The following RNF126 variants were observed in gnomAD, a reference collection of about 807,000 sequenced individuals.
The protein encoded by RNF126 is E3 ubiquitin-protein ligase RNF126.
In RNF126, 20 loss-of-function variants were observed where a neutral mutation model predicts 41.9. The observed-to-expected ratio is 0.48, with a 90% CI of 0.34 to 0.69. The LOEUF (loss-of-function observed/expected upper bound fraction) is 0.69. Among genes scored for constraint, RNF126 ranks in the 30% least tolerant of loss-of-function variants. The pLI is 0.01. For missense variants in RNF126, 433 were observed against 460.6 expected (o/e 0.94, Z 0.55); for synonymous variants, 239 against 202.9 (o/e 1.18, Z -1.51).
chr19:652,352 G>A (rs2144762291), intron 2 of RNF126, 56 bp from the exon 3 acceptor site: 1 of 1,420,616 alleles, frequency 7.0e-7, no homozygotes, highest in Non-Finnish European at 9.5e-7. Flanking sequence ...CATGCGCCAG[G>A]CGCTCCCTCC....
In RNF126 at chr19:659,990, C is replaced by G. The variant is rs148485155; in HGVS notation, c.75+3057G>C. 2.3e-3 allele frequency among the ~76,000 whole-genome samples: 344 copies of G among 152,310 alleles called. No individual in the cohort carries two copies. Among genetic ancestry groups the G allele is most frequent in the African/African-American group, 7.8e-3 (325 of 41,564 alleles). On this transcript the variant is annotated intron_variant, in intron 1 of 8. Transcript: ENST00000292363. This position sits in a 1 kb window ranked among gnomAD's most constrained non-coding sequence, Gnocchi z 4.9. ...ATGTTAGCCAGGCTGGTCTCGAACT[C>G]CTGACCTCAGGTGATCCGTCCACCT...
chr19:647,964 G>T lies in RNF126; in HGVS notation c.*164C>A, dbSNP rs1380231273. ...TGTGGCCCACGCCTTCCCAAGCCAG[G>T]GGGCCGGTGGGCCGGGCCCGGGTCC... is the stretch of plus-strand genomic sequence containing the variant. On this transcript the variant is annotated 3_prime_UTR_variant, in exon 9 of 9. Coordinates refer to ENST00000292363, the MANE Select transcript of RNF126 (RefSeq NM_194460.3). The T allele has an allele frequency of 1.2e-6, 1 of 866,520 alleles. No individual in the cohort carries two copies. The highest frequency in any genetic ancestry group is 1.7e-5 in the African/African-American group (1 of 58,534). 53.7% of individuals were successfully genotyped at this position (866,520 alleles called of 1,614,324 possible).
At chr19:651,910 G>C in intron 3 of RNF126, 55 bp from the exon 4 acceptor site, 1 of 1,497,950 alleles carries the variant, frequency 6.7e-7, no homozygotes, top group East Asian at 2.4e-5. Context: ...CAGTCTGCTG[G>C]GGGCGCTAGG....
chr19:654,867 T>C (rs1484954382), intron 1 of RNF126, among the ~76,000 whole-genome samples: 2 of 151,366 alleles, frequency 1.3e-5, no homozygotes, highest in African/African-American at 4.9e-5. Context: ...CTCAGGAGGC[T>C]GAGACAGGAG....
rs960112952 is a variant in RNF126, at chr19:653,040, G to A, written c.76-156C>T. Among the ~76,000 whole-genome samples, 16 of 152,162 alleles carry A rather than the reference G, an allele frequency of 1.1e-4. 1 individual carries two copies. The highest frequency in any genetic ancestry group is 3.9e-4 in the East Asian group (2 of 5,194). On this transcript the variant is annotated intron_variant, in intron 1 of 8. Coordinates refer to ENST00000292363, the MANE Select transcript of RNF126 (RefSeq NM_194460.3). ...TCCCAACCCGTGGGTCCTGGAGGGC[G>A]GCCGAGGGGACCTGGCCTCTGCCAG...
intron 1 of RNF126, among the ~76,000 whole-genome samples, chr19:653,673 T>G (rs1347346897): frequency 6.6e-6 from 1 of 152,096 alleles, no homozygotes; most frequent in African/African-American, 2.4e-5. Context: ...GGCTGAAACG[T>G]GCATGGTGCC....
intron 1 of RNF126, among the ~76,000 whole-genome samples, chr19:662,751 G>C (rs2030865023): frequency 6.6e-6 from 1 of 152,084 alleles, no homozygotes; most frequent in Admixed American, 6.5e-5. Context: ...GCGGCCTCTC[G>C]GGTCGGGAAC....
At chr19:648,552 C>T in intron 7 of RNF126, 65 bp from the exon 8 acceptor site, 2 of 1,316,064 alleles carry the variant, frequency 1.5e-6, no homozygotes, top group Admixed American at 2.0e-5. Flanking sequence ...CAAGGGCAGG[C>T]TACTCCACAG....
chr19:648,719 A>C (rs1206888688), intron 7 of RNF126, among the ~76,000 whole-genome samples, 163 bp downstream of exon 7: 1 of 152,212 alleles, frequency 6.6e-6, no homozygotes, highest in Non-Finnish European at 1.5e-5. Flanking sequence ...CTGTCATCCC[A>C]GCACTTTGGG....
chr19:650,154 C>G, intron 5 of RNF126, 80 bp downstream of exon 5: 2 of 1,209,794 alleles, frequency 1.7e-6, no homozygotes, highest in Non-Finnish European at 2.3e-6. Flanking sequence ...GGGACCCTGG[C>G]TGGGGATGGG....
intron 6 of RNF126, 90 bp from the exon 7 acceptor site, chr19:649,065 C>G (rs934775464): frequency 1.8e-5 from 11 of 608,382 alleles, no homozygotes; most frequent in Non-Finnish European, 2.7e-5. Context: ...GCAAAAGCAC[C>G]GAGGCCGCGT....
At chr19:662,456 C>G (rs1389867342) in intron 1 of RNF126, among the ~76,000 whole-genome samples, 1 of 152,148 alleles carries the variant, frequency 6.6e-6, no homozygotes, top group African/African-American at 2.4e-5. Context: ...GCCGGCGGGC[C>G]GCGGTCGGAC....
At position 656,808 on chromosome 19, in the gene RNF126, C is replaced by T. The variant is rs568030481; in HGVS notation, c.76-3924G>A. On this transcript the variant is annotated intron_variant, in intron 1 of 8. Transcript: ENST00000292363. ...TGTGTTTGGGGTGTCGGGATTGGGA[C>T]GCCCCACGTAAACACGCTGAGACTT... Among the ~76,000 whole-genome samples the T allele has an allele frequency of 7.2e-5, 11 of 152,282 alleles. No homozygotes were observed. The South Asian group carries it at 8.3e-4, about 11-fold the overall frequency.
chr19:652,184 C>T (rs1310483337), intron 3 of RNF126, 49 bp downstream of exon 3: 2 of 1,443,668 alleles, frequency 1.4e-6, no homozygotes, highest in Non-Finnish European at 9.2e-7. Context: ...CGCTCGGGGC[C>T]CCGAGCAAGG....
rs2030714883 is a variant in RNF126, at chr19:659,753, C to T, written c.75+3294G>A. On this transcript the variant is annotated intron_variant, in intron 1 of 8. Transcript: ENST00000292363. This position sits in a 1 kb window ranked among gnomAD's most constrained non-coding sequence, Gnocchi z 4.9. ...CCTTTGCTGCTCAGACACCCAGACA[C>T]CCTCGTCATCGCCTTTTTTTTTTTT... 6.6e-6 allele frequency among the ~76,000 whole-genome samples: 1 copy of T among 151,720 alleles called. No homozygotes were observed. Among genetic ancestry groups the T allele is most frequent in the South Asian group, 2.1e-4 (1 of 4,818 alleles).
chr19:651,930 C>G (rs753147272), intron 3 of RNF126, 75 bp from the exon 4 acceptor site: 14 of 1,402,218 alleles, frequency 1.0e-5, no homozygotes, highest in Non-Finnish European at 1.4e-5. Context: ...GGCACAAAGA[C>G]AAAGGAGAAA....
intron 4 of RNF126, chr19:650,512 G>A: frequency 2.3e-6 from 1 of 437,332 alleles, no homozygotes; most frequent in Non-Finnish European, 4.0e-6. Flanking sequence ...CAACCTGCTG[G>A]GCTTAAGCGA....
intron 1 of RNF126, among the ~76,000 whole-genome samples, chr19:660,837 G>A (rs377729643): frequency 2.4e-4 from 36 of 152,300 alleles, no homozygotes; most frequent in Middle Eastern, 3.4e-3. Context: ...GTCCTGCCAC[G>A]TACGGAGAAG....
intron 6 of RNF126, chr19:649,245 T>C: frequency 3.4e-6 from 1 of 292,342 alleles, no homozygotes. Context: ...CGCTCCTGAG[T>C]GCCCTGACGG....
Sources: allele counts gnomAD v4.1 joint callset (sites outside exome capture counted in the v4.1 genomes callset), GRCh38; gene constraint gnomAD v4.1.1; non-coding constraint Gnocchi (gnomAD v3.1); transcripts MANE v1.5; gene names NCBI Gene and HGNC (gene_info 2026-07-23, HGNC 2026-07-21).